RGS6: variants seen among roughly 807,000 people sequenced by gnomAD.
The protein encoded by RGS6 is regulator of G-protein signaling 6.
RGS6 carries 30 observed loss-of-function variants against 78.5 expected under a neutral mutation model. The observed-to-expected ratio is 0.38, with a 90% CI of 0.29 to 0.52. RGS6 has a LOEUF of 0.52. Among genes scored for constraint, RGS6 ranks in the 20% least tolerant of loss-of-function variants. RGS6 has a pLI of 0.85. For synonymous variants in RGS6, 206 were observed against 206.0 expected, an observed-to-expected ratio of 1.00 and a Z score of 0.00; for missense variants, 495 against 609.7, an observed-to-expected ratio of 0.81 and a Z score of 1.98.
intron 2 of RGS6, among the ~76,000 whole-genome samples, chr14:72,196,208 T>G (rs943926388): frequency 6.6e-6 from 1 of 152,114 alleles, no homozygotes; most frequent in African/African-American, 2.4e-5. Context: ...AGAGGAACAT[T>G]GAAGACCACT....
At position 72,401,172 on chromosome 14, in the gene RGS6, T is replaced by C. The variant is rs74060790; in HGVS notation, c.184+48978T>C. Among the ~76,000 whole-genome samples the C allele has an allele frequency of 5.7e-3, 866 of 152,300 alleles. 12 individuals carry two copies. Among genetic ancestry groups the C allele is most frequent in the African/African-American group, 0.02 (835 of 41,552 alleles). ...CCAAGTCTACCTCCTTAAAATACTT[T>C]TATGAGCACAAATCCCTGATGTAAA... On this transcript the variant is annotated intron_variant, in intron 3 of 17. Transcript: ENST00000553525.
At chr14:72,624,851 C>T in the RGS6 span, among the ~76,000 whole-genome samples, 2 of 152,210 alleles carry the variant, frequency 1.3e-5, no homozygotes, top group African/African-American at 4.8e-5. Context: ...CATATGCATA[C>T]ATTTTTTAGC....
At chr14:72,036,546 T>C (rs922553209) in intron 2 of RGS6, among the ~76,000 whole-genome samples, 2 of 152,190 alleles carry the variant, frequency 1.3e-5, no homozygotes, top group Non-Finnish European at 2.9e-5. Context: ...TTTATCATGA[T>C]TTTAATCTAC....
chr14:72,475,291 G>C (rs1431717141), intron 10 of RGS6, among the ~76,000 whole-genome samples: 1 of 134,884 alleles, frequency 7.4e-6, no homozygotes, highest in African/African-American at 2.8e-5. Flanking sequence ...GTGGTCACTT[G>C]TGTTTCACTT....
At chr14:71,963,153 A>G (rs2093319505) in intron 1 of RGS6, among the ~76,000 whole-genome samples, 1 of 152,210 alleles carries the variant, frequency 6.6e-6, no homozygotes, top group Non-Finnish European at 1.5e-5. Flanking sequence ...CAGAGCATAT[A>G]GCAGGTGTTT....
chr14:72,250,981 T>G (rs2055605635), intron 2 of RGS6, among the ~76,000 whole-genome samples: 1 of 152,106 alleles, frequency 6.6e-6, no homozygotes, highest in South Asian at 2.1e-4. Flanking sequence ...TACAAAAAAA[T>G]GAGGCTCACA....
chr14:72,218,847 T>C lies in RGS6; in HGVS notation c.85-133248T>C, dbSNP rs570878870. 1.2e-4 allele frequency among the ~76,000 whole-genome samples: 19 copies of C among 152,148 alleles called. No individual in the cohort carries two copies. The East Asian group carries it at 1.4e-3, about 11-fold the overall frequency. The stretch of plus-strand genomic sequence containing the variant: ...GGATGATCTTGATCTCTTGACCTCA[T>C]GATCCACCCACCTTGGCCTTCCAAA... On this transcript the variant is annotated intron_variant, in intron 2 of 17. Coordinates refer to ENST00000553525, the MANE Select transcript of RGS6 (RefSeq NM_001204424.2).
chr14:71,927,205 G>C, the RGS6 span, among the ~76,000 whole-genome samples: 2 of 152,140 alleles, frequency 1.3e-5, no homozygotes, highest in Non-Finnish European at 2.9e-5. Context: ...TGTTGATGTA[G>C]ATTTTATCCC....
At chr14:72,378,098 T>C (rs1379140542) in intron 3 of RGS6, among the ~76,000 whole-genome samples, 1 of 152,166 alleles carries the variant, frequency 6.6e-6, no homozygotes, top group East Asian at 1.9e-4. Context: ...AGTAACCTGC[T>C]CCTGAGTGAC....
At chr14:72,582,945 T>TAA in the RGS6 span, among the ~76,000 whole-genome samples, 51,744 of 142,004 alleles carry the variant, frequency 0.36, 9,759 homozygotes, top group Non-Finnish European at 0.44. Context: ...GTGGACTGAG[T>TAA]AAAAAAAAAA....
At chr14:72,582,230 G>C in the RGS6 span, among the ~76,000 whole-genome samples, 1 of 152,118 alleles carries the variant, frequency 6.6e-6, no homozygotes, top group Non-Finnish European at 1.5e-5. Flanking sequence ...ATGAGCTTCA[G>C]TGGAAACAAA....
chr14:71,990,962 C>G, intron 2 of RGS6: 1 of 416,874 alleles, frequency 2.4e-6, no homozygotes, highest in Non-Finnish European at 4.8e-6. Context: ...CTTTGACAGG[C>G]CTAATCACTC....
chr14:72,245,287 G>C (rs1198601073), intron 2 of RGS6, among the ~76,000 whole-genome samples: 1 of 152,192 alleles, frequency 6.6e-6, no homozygotes. Flanking sequence ...CGGTACTAGA[G>C]GAATTAAAGA....
chr14:72,076,985 A>G lies in RGS6; in HGVS notation c.84+112110A>G, dbSNP rs549869567. On this transcript the variant is annotated intron_variant, in intron 2 of 17. Coordinates refer to ENST00000553525, the MANE Select transcript of RGS6 (RefSeq NM_001204424.2). ...ATATATATATAAATGTTATATATAT[A>G]TAGCCAAATTATATAAAGCTGTATA... is the stretch of plus-strand genomic sequence containing the variant. Among the ~76,000 whole-genome samples the G allele has an allele frequency of 5.6e-3, 843 of 149,376 alleles. 6 individuals are homozygous for G. The highest frequency in any genetic ancestry group is 9.2e-3 in the Non-Finnish European group (624 of 67,482).
At chr14:72,598,650 T>C in the RGS6 span, among the ~76,000 whole-genome samples, 4 of 152,122 alleles carry the variant, frequency 2.6e-5, no homozygotes, top group African/African-American at 9.7e-5. Context: ...ACAGGAGTCA[T>C]CCCAACACCC....
intron 2 of RGS6, among the ~76,000 whole-genome samples, chr14:72,021,205 G>A (rs988158062): frequency 1.3e-5 from 2 of 152,214 alleles, no homozygotes; most frequent in East Asian, 3.9e-4. Flanking sequence ...AGAAGTGACA[G>A]CAAAATCTTC....
At chr14:72,137,981 A>T (rs1411314627) in intron 2 of RGS6, among the ~76,000 whole-genome samples, 1 of 152,096 alleles carries the variant, frequency 6.6e-6, no homozygotes, top group African/African-American at 2.4e-5. Context: ...CCCCATCCTG[A>T]GGCTATCCAG....
At chr14:72,468,615 CTA>C (rs991299381) in intron 7 of RGS6, among the ~76,000 whole-genome samples, 1 of 152,116 alleles carries the variant, frequency 6.6e-6, no homozygotes, top group Non-Finnish European at 1.5e-5. Context: ...CTTTACAAAA[CTA>C]TATCAGAATC....
chr14:72,281,310 A>G (rs1422092692), intron 2 of RGS6, among the ~76,000 whole-genome samples: 2 of 151,840 alleles, frequency 1.3e-5, no homozygotes. Flanking sequence ...CACCATGCCC[A>G]GCTAATTTTT....
Sources: allele counts gnomAD v4.1 joint callset (sites outside exome capture counted in the v4.1 genomes callset), GRCh38; gene constraint gnomAD v4.1.1; transcripts MANE v1.5; gene names NCBI Gene and HGNC (gene_info 2026-07-23, HGNC 2026-07-21).